ARL15: variants seen among roughly 807,000 people sequenced by gnomAD.
ARL15 encodes ARF like GTPase 15, also known as ADP-ribosylation factor-like protein 15.
Under a neutral mutation model 25.2 loss-of-function variants are expected in ARL15, and 19 were observed. That is an observed-to-expected ratio of 0.75 (90% CI 0.53 to 1.10). ARL15 has a LOEUF of 1.10. ARL15 is among the 50% of genes least tolerant of loss of function. The pLI is 0.00. For missense variants in ARL15, 220 were observed against 246.0 expected (o/e 0.89, Z 0.71); for synonymous variants, 94 against 86.8 (o/e 1.08, Z -0.46).
Position 53,922,420 on chromosome 5 carries a change from T to C in ARL15, c.463-35707A>G, listed in dbSNP as rs1055546630. 2.0e-5 allele frequency among the ~76,000 whole-genome samples: 3 copies of C among 152,220 alleles called. No individual in the cohort carries two copies. In the East Asian group the frequency reaches 5.8e-4, roughly 29 times the overall value. ...TTCTTATTTTTTAAATGACAATGAC[T>C]GTATCAGCTTTGAGGCATCATTCTT... On this transcript the variant is annotated intron_variant, in intron 4 of 4. Transcript: ENST00000504924.
At chr5:53,892,601 C>CT (rs70986647) in intron 4 of ARL15, among the ~76,000 whole-genome samples, 45,308 of 141,180 alleles carry the variant, frequency 0.32, 8,346 homozygotes, top group Middle Eastern at 0.5. Context: ...ATTACTGTTA[C>CT]TTTTTTTTTT....
rs60458728 is a variant in ARL15 at position 53,963,805 on chromosome 5, T to TCACACACACACACA, written c.463-77106_463-77093dup. On this transcript the variant is annotated intron_variant, in intron 4 of 4. Coordinates refer to ENST00000504924, the MANE Select transcript of ARL15 (RefSeq NM_019087.3). ...CCTGGGAGACAAGAGTGAAACTCCA[T>TCACACACACACACA]CACACACACACACACACACACACAC... 2.2e-4 allele frequency among the ~76,000 whole-genome samples: 31 copies of TCACACACACACACA among 143,140 alleles called. 1 individual carries two copies. Among genetic ancestry groups the TCACACACACACACA allele is most frequent in the African/African-American group, 7.7e-4 (29 of 37,720 alleles). 93.9% of individuals were successfully genotyped at this position (143,140 alleles called of 152,430 possible).
chr5:54,054,084 T>A (rs1321689855), intron 4 of ARL15, among the ~76,000 whole-genome samples: 2 of 152,188 alleles, frequency 1.3e-5, no homozygotes, highest in East Asian at 3.9e-4. Context: ...TAGCTATGAA[T>A]GTACCACCCA....
At chr5:53,987,819 G>A (rs958285217) in intron 4 of ARL15, among the ~76,000 whole-genome samples, 1 of 152,100 alleles carries the variant, frequency 6.6e-6, no homozygotes, top group African/African-American at 2.4e-5. Flanking sequence ...AAAATAATTT[G>A]GGGCCAGGTG....
chr5:54,204,339 C>T (rs1286173640), intron 1 of ARL15, among the ~76,000 whole-genome samples: 1 of 152,176 alleles, frequency 6.6e-6, no homozygotes, highest in Non-Finnish European at 1.5e-5. Flanking sequence ...AGGAGACATG[C>T]AGGAATTCTG....
intron 1 of ARL15, among the ~76,000 whole-genome samples, chr5:54,260,200 T>G (rs1185034308): frequency 6.6e-6 from 1 of 152,190 alleles, no homozygotes; most frequent in African/African-American, 2.4e-5. Flanking sequence ...CACTCTGCAC[T>G]CTTCTTTCTT....
At chr5:54,205,515 C>T (rs1396275498) in intron 1 of ARL15, among the ~76,000 whole-genome samples, 1 of 152,206 alleles carries the variant, frequency 6.6e-6, no homozygotes, top group Non-Finnish European at 1.5e-5. Context: ...CCTCTCCTTA[C>T]TGGCTGGCCC....
chr5:53,913,024 G>T (rs1745516107), intron 4 of ARL15, among the ~76,000 whole-genome samples: 1 of 152,202 alleles, frequency 6.6e-6, no homozygotes. Flanking sequence ...GTCAGGCCAG[G>T]CATGCTGGCT....
At chr5:54,282,811 T>C (rs1758093612) in intron 1 of ARL15, among the ~76,000 whole-genome samples, 1 of 152,204 alleles carries the variant, frequency 6.6e-6, no homozygotes, top group Non-Finnish European at 1.5e-5. Flanking sequence ...ATGGGCTAAA[T>C]TTTGACAGAA....
At chr5:54,276,693 T>C (rs1026730447) in intron 1 of ARL15, among the ~76,000 whole-genome samples, 1 of 152,076 alleles carries the variant, frequency 6.6e-6, no homozygotes, top group Non-Finnish European at 1.5e-5. Flanking sequence ...GATCATGAGA[T>C]GGGGAGATTC....
chr5:54,045,205 C>T (rs1750467968), intron 4 of ARL15, among the ~76,000 whole-genome samples: 2 of 152,040 alleles, frequency 1.3e-5, no homozygotes, highest in East Asian at 1.9e-4. Context: ...CAAAGCATAC[C>T]TTTAATAATT....
intron 1 of ARL15, among the ~76,000 whole-genome samples, chr5:54,261,707 G>T (rs1757501099): frequency 2.6e-5 from 4 of 151,994 alleles, no homozygotes; most frequent in Non-Finnish European, 5.9e-5. Flanking sequence ...ATAAGTGAAT[G>T]CTTCCATACT....
At chr5:54,097,590 T>C (rs1168180380) in intron 4 of ARL15, among the ~76,000 whole-genome samples, 1 of 152,188 alleles carries the variant, frequency 6.6e-6, no homozygotes, top group Non-Finnish European at 1.5e-5. Context: ...CAAAATTCTT[T>C]TGAATATGAA....
intron 4 of ARL15, among the ~76,000 whole-genome samples, chr5:54,079,760 A>C (rs1270611162): frequency 6.6e-6 from 1 of 152,136 alleles, no homozygotes; most frequent in African/African-American, 2.4e-5. Flanking sequence ...ACCAGCGGTC[A>C]GGAGTTCCAG....
At chr5:54,025,917 G>A (rs1749775609) in intron 4 of ARL15, among the ~76,000 whole-genome samples, 1 of 152,086 alleles carries the variant, frequency 6.6e-6, no homozygotes, top group Admixed American at 6.5e-5. Flanking sequence ...GCCTCTTTGG[G>A]AGGAATATTA....
At chr5:54,135,408 T>C (rs1429435310) in intron 3 of ARL15, among the ~76,000 whole-genome samples, 1 of 152,198 alleles carries the variant, frequency 6.6e-6, no homozygotes, top group Non-Finnish European at 1.5e-5. Context: ...AGGATCGTGA[T>C]AGACCTGGAG....
intron 4 of ARL15, among the ~76,000 whole-genome samples, chr5:53,909,711 AG>A (rs1447688688): frequency 6.6e-6 from 1 of 152,254 alleles, no homozygotes; most frequent in Admixed American, 6.5e-5. Flanking sequence ...CATCTCAAAA[AG>A]AAAAATAATA....
intron 4 of ARL15, among the ~76,000 whole-genome samples, chr5:54,009,790 C>G (rs1470335104): frequency 6.6e-6 from 1 of 152,164 alleles, no homozygotes; most frequent in Non-Finnish European, 1.5e-5. Flanking sequence ...CCTCAGTAAT[C>G]TGTGGAAATG....
intron 4 of ARL15, among the ~76,000 whole-genome samples, chr5:53,988,138 T>A (rs1435061072): frequency 6.7e-6 from 1 of 149,870 alleles, no homozygotes. Context: ...ATGATAATAA[T>A]AATAATAATA....
Sources: gnomAD v4.1 joint callset for allele counts (sites outside exome capture counted in the v4.1 genomes callset) on GRCh38, gnomAD v4.1.1 for gene constraint, MANE v1.5 for transcripts, NCBI Gene and HGNC (gene_info 2026-07-23, HGNC 2026-07-21) for gene names.